The following PIEZO1 variants were observed in gnomAD, a reference collection of about 807,000 sequenced individuals.
The protein encoded by PIEZO1 is piezo-type mechanosensitive ion channel component 1.
Under a neutral mutation model 297.2 loss-of-function variants are expected in PIEZO1, and 296 were observed. That is an observed-to-expected ratio of 1.00 (90% CI 0.91 to 1.10). PIEZO1 has a LOEUF of 1.10. Among genes scored for constraint, PIEZO1 ranks in the 50% least tolerant of loss-of-function variants. The pLI is 0.00. For synonymous variants in PIEZO1, 2,427 were observed against 1,507.5 expected (o/e 1.61, Z -14.13); for missense variants, 5,018 against 3,455.5 (o/e 1.45, Z -11.34).
Position 88,721,246 on chromosome 16 carries a change from G to C in PIEZO1, c.5588C>G (p.Pro1863Arg). The change falls in exon 39 of 51, where the codon CCC becomes CGC. Residue 1863 changes from proline to arginine, a missense_variant. Pro to Arg is a moderately radical substitution (Grantham distance 103, BLOSUM62 -2). Transcript: ENST00000301015. ...TAGACTGATGCGCCTCGTATCACGG[G>C]GCCTGAGCTCCACTTGGGGTTCTGG... Reference protein sequence around the residue: ...GTPEPQVELRPRDTRRISLRF... With the variant: ...GTPEPQVELRRRDTRRISLRF... The C allele has an allele frequency of 6.5e-7, 1 of 1,542,312 alleles. No homozygotes were observed. The highest frequency in any genetic ancestry group is 8.7e-7 in the Non-Finnish European group (1 of 1,146,344).
At chr16:88,727,238 G>T in intron 23 of PIEZO1, 46 bp from the exon 24 acceptor site, 3 of 1,490,182 alleles carry the variant, frequency 2.0e-6, no homozygotes, top group Non-Finnish European at 2.7e-6. Flanking sequence ...GGACCCACAC[G>T]AGGTGGGCAC....
chr16:88,761,869 T>G (rs1906950094), intron 1 of PIEZO1, among the ~76,000 whole-genome samples: 2 of 152,146 alleles, frequency 1.3e-5, no homozygotes, highest in Non-Finnish European at 1.5e-5. Flanking sequence ...GTCAGGGATC[T>G]GGGACTCATC....
At position 88,721,161 on chromosome 16, in the gene PIEZO1, T is replaced by G; in HGVS notation, c.5668+5A>C. The stretch of plus-strand genomic sequence containing the variant: ...GCAGGAGGTTGTGAGGCAGGGCGCT[T>G]ATACCGATGGCTGCCGCTCCTTTCC... On this transcript the variant is annotated splice_donor_5th_base_variant and intron_variant, in intron 39 of 50. Coordinates refer to ENST00000301015, the MANE Select transcript of PIEZO1 (RefSeq NM_001142864.4). The G allele has an allele frequency of 6.7e-7, 1 of 1,496,032 alleles. No homozygotes were observed. The highest frequency in any genetic ancestry group is 1.4e-5 in the African/African-American group (1 of 71,690). The allele number at this position is 1,496,032 out of a possible 1,614,324, so 92.7% of individuals were successfully genotyped here.
chr16:88,760,739 A>G (rs1009191647), intron 1 of PIEZO1, among the ~76,000 whole-genome samples: 4 of 152,240 alleles, frequency 2.6e-5, no homozygotes, highest in African/African-American at 9.6e-5. Context: ...GGCCCGGGAC[A>G]GGCAGGGGCC....
chr16:88,719,283 T>C (rs1172573900), intron 44 of PIEZO1: 1 of 392,630 alleles, frequency 2.5e-6, no homozygotes, highest in African/African-American at 2.0e-5. Context: ...TAAACAAGAA[T>C]GCAGCAAACA....
chr16:88,721,801 G>C lies in PIEZO1; in HGVS notation c.5214+7C>G. On this transcript the variant is annotated splice_region_variant and intron_variant, in intron 37 of 50. Coordinates refer to ENST00000301015, the MANE Select transcript of PIEZO1 (RefSeq NM_001142864.4). Reference sequence around the variant, plus strand: ...CGGGCGCCCCCTCCCCCGCGGCCTCGGCCCACCTCGGTGAAGACGATGGCC... The same window carrying C: ...CGGGCGCCCCCTCCCCCGCGGCCTCCGCCCACCTCGGTGAAGACGATGGCC... 1.3e-6 allele frequency: 2 copies of C among 1,539,076 alleles called. No homozygotes were observed. The highest frequency in any genetic ancestry group is 1.2e-5 in the South Asian group (1 of 83,584).
At chr16:88,734,140 T>C in intron 16 of PIEZO1, 86 bp from the exon 17 acceptor site, 4 of 941,556 alleles carry the variant, frequency 4.2e-6, no homozygotes, top group Non-Finnish European at 5.4e-6. Context: ...TCGGCACCGC[T>C]TCTGCTGCAG....
At position 88,738,601 on chromosome 16, in the gene PIEZO1, G is replaced by A. The variant is rs924417840; in HGVS notation, c.601C>T (p.Arg201Trp). 1.1e-5 allele frequency: 17 copies of A among 1,535,452 alleles called. No homozygotes were observed. The highest frequency in any genetic ancestry group is 1.5e-5 in the Non-Finnish European group (17 of 1,146,710). Residue 201 changes from arginine (R) to tryptophan (W), a missense_variant, in exon 6 of 51, where the codon CGG (arginine) becomes TGG (tryptophan). Physicochemically the swap from Arg to Trp is moderately radical, Grantham distance 101. Transcript: ENST00000301015. The part of the protein sequence containing the change: ...TAHWLLVAAG[R>W]VLAVTLLALA... Reference sequence around the variant, plus strand: ...GCAAGCAGTGTTACGGCCAGGACCCGCCCAGCCGCCACCAGCAGCCAGTGG... The same window carrying A: ...GCAAGCAGTGTTACGGCCAGGACCCACCCAGCCGCCACCAGCAGCCAGTGG...
chr16:88,746,866 C>A (rs1906086822), intron 2 of PIEZO1, among the ~76,000 whole-genome samples: 1 of 152,190 alleles, frequency 6.6e-6, no homozygotes, highest in Admixed American at 6.5e-5. Context: ...AACGGCGAAA[C>A]GCCAGGGGCC....
At chr16:88,727,842 C>T (rs1280797526) in intron 22 of PIEZO1, 181 bp from the exon 23 acceptor site, 1 of 411,808 alleles carries the variant, frequency 2.4e-6, no homozygotes, top group Non-Finnish European at 4.3e-6. Context: ...CACACAGATT[C>T]CTTCAACTCT....
At chr16:88,766,168 A>C (rs1429330782) in intron 1 of PIEZO1, among the ~76,000 whole-genome samples, 1 of 152,160 alleles carries the variant, frequency 6.6e-6, no homozygotes, top group African/African-American at 2.4e-5. Flanking sequence ...GCCAATCGCA[A>C]TTTGGTGTGC....
chr16:88,749,819 G>A (rs754994079), intron 1 of PIEZO1, among the ~76,000 whole-genome samples: 3 of 152,202 alleles, frequency 2.0e-5, no homozygotes, highest in Non-Finnish European at 4.4e-5. Flanking sequence ...CTTGAGGTCA[G>A]GAGTTCAAGA....
At chr16:88,781,053 G>A (rs2142914019) in intron 1 of PIEZO1, among the ~76,000 whole-genome samples, 1 of 152,370 alleles carries the variant, frequency 6.6e-6, no homozygotes, top group East Asian at 1.9e-4. Context: ...TCTGAGGCCA[G>A]AGAGGCCAGG....
chr16:88,742,693 T>G (rs941235245), intron 2 of PIEZO1: 8 of 480,458 alleles, frequency 1.7e-5, no homozygotes, highest in African/African-American at 1.6e-4. Context: ...CCTCCCAGGC[T>G]CAGAGGAAAC....
In PIEZO1 at chr16:88,720,438, G is replaced by C; in HGVS notation, c.5896C>G (p.Leu1966Val). 6.4e-7 allele frequency: 1 copy of C among 1,550,488 alleles called. No individual in the cohort carries two copies. Residue 1966 changes from leucine to valine, a missense_variant, in exon 41 of 51, where the codon CTG becomes GTG. Leu to Val is a conservative substitution (Grantham distance 32). Transcript: ENST00000301015. The stretch of plus-strand genomic sequence containing the variant: ...ATGATGAAGTCGACAACATCAGCCA[G>C]GAACATGAGGGCATAGACGTCGGTG... ...AATDVYALMF[L>V]ADVVDFIIII...
At chr16:88,749,854 C>T (rs1906294865) in intron 1 of PIEZO1, among the ~76,000 whole-genome samples, 1 of 151,884 alleles carries the variant, frequency 6.6e-6, no homozygotes, top group Non-Finnish European at 1.5e-5. Context: ...GTGGTGAAAC[C>T]CTGTCTCCAC....
intron 45 of PIEZO1, 52 bp downstream of exon 45, chr16:88,716,971 G>A: frequency 6.5e-7 from 1 of 1,546,402 alleles, no homozygotes; most frequent in South Asian, 1.2e-5. Context: ...GCACCACCTT[G>A]GCCAGAACCC....
intron 31 of PIEZO1, 118 bp from the exon 32 acceptor site, chr16:88,723,446 C>G: frequency 1.7e-6 from 2 of 1,166,084 alleles, no homozygotes; most frequent in Middle Eastern, 2.8e-4. Flanking sequence ...CTCCCAGGGA[C>G]CTCCGTGTCC....
intron 1 of PIEZO1, among the ~76,000 whole-genome samples, chr16:88,758,417 A>G (rs983996451): frequency 6.6e-6 from 1 of 152,092 alleles, no homozygotes. Context: ...GTCCCCACCC[A>G]TCGTCACTCA....
Sources: gnomAD v4.1 joint callset for allele counts (sites outside exome capture counted in the v4.1 genomes callset) on GRCh38, gnomAD v4.1.1 for gene constraint, MANE v1.5 for transcripts, NCBI Gene and HGNC (gene_info 2026-07-23, HGNC 2026-07-21) for gene names.